Variants in DNA2 observed in about 807,000 individuals in gnomAD.
DNA2 encodes DNA replication helicase/nuclease 2.
In DNA2, 101 loss-of-function variants were observed where a neutral mutation model predicts 119.1. That is an observed-to-expected ratio of 0.85 (90% CI 0.72 to 1.00). The LOEUF is 1.00. Ranked by LOEUF, DNA2 falls within the 50% of genes least tolerant of loss-of-function variation. The pLI is 0.00. For synonymous variants in DNA2, 366 were observed against 424.4 expected (o/e 0.86, Z 1.69); for missense variants, 1,121 against 1,255.5 (o/e 0.89, Z 1.62).
chr10:68,443,144 T>C (rs1479771349), intron 8 of DNA2, 33 bp from the exon 9 acceptor site: 3 of 1,518,620 alleles, frequency 2.0e-6, no homozygotes, highest in Admixed American at 4.4e-5. Context: ...GAGATGCTTA[T>C]AAACCATTTC....
At chr10:68,416,531 G>C in intron 20 of DNA2, 178 bp downstream of exon 20, 1 of 574,422 alleles carries the variant, frequency 1.7e-6, no homozygotes, top group Non-Finnish European at 3.1e-6. Flanking sequence ...TTATAGGCTG[G>C]GGGCCGTGGC....
At chr10:68,437,270 T>G in intron 9 of DNA2, 29 bp from the exon 10 acceptor site, 1 of 1,536,906 alleles carries the variant, frequency 6.5e-7, no homozygotes, top group Non-Finnish European at 8.9e-7. Context: ...GAAAAAAACT[T>G]CTGTTTATAT....
upstream of DNA2, chr10:68,472,239 C>CCT: frequency 1.2e-5 from 14 of 1,179,494 alleles, no homozygotes; most frequent in South Asian, 2.2e-4. Context: ...GGACTACAGG[C>CCT]GCCCAGCTTA....
intron 1 of DNA2, 101 bp from the exon 2 acceptor site, chr10:68,470,264 T>C: frequency 4.6e-6 from 5 of 1,089,586 alleles, no homozygotes; most frequent in Admixed American, 3.4e-5. Context: ...TCTAGGTTTC[T>C]TTCTTCTGAA....
intron 5 of DNA2, among the ~76,000 whole-genome samples, chr10:68,452,686 C>T (rs1298992226): frequency 1.3e-5 from 2 of 151,712 alleles, no homozygotes; most frequent in Admixed American, 6.6e-5. Context: ...ATCCTCCCGC[C>T]TCAGCCTTTC....
chr10:68,451,437 CCT>C (rs1487965520), intron 5 of DNA2, among the ~76,000 whole-genome samples: 1 of 152,070 alleles, frequency 6.6e-6, no homozygotes, highest in Admixed American at 6.6e-5. Flanking sequence ...TTACAAACCT[CCT>C]CTCTTATCTA....
intron 9 of DNA2, among the ~76,000 whole-genome samples, chr10:68,439,325 C>T (rs890480146): frequency 1.3e-5 from 2 of 150,786 alleles, no homozygotes; most frequent in Admixed American, 1.3e-4. Context: ...ACCTCGGAGG[C>T]GGAGGTTGTG....
intron 4 of DNA2, among the ~76,000 whole-genome samples, chr10:68,462,734 G>C (rs1053826103): frequency 6.6e-6 from 1 of 152,208 alleles, no homozygotes; most frequent in Non-Finnish European, 1.5e-5. Flanking sequence ...AATTAAGCCT[G>C]TTTCCTCATC....
chr10:68,449,903 G>A (rs2052094860), intron 6 of DNA2, 125 bp downstream of exon 6: 2 of 655,142 alleles, frequency 3.1e-6, no homozygotes, highest in Middle Eastern at 4.3e-4. Context: ...GAACCCAGGA[G>A]GCGGAGCTTT....
intron 3 of DNA2, 58 bp downstream of exon 3, chr10:68,468,065 A>G: frequency 7.9e-7 from 1 of 1,267,182 alleles, no homozygotes. Context: ...AATAAATGTA[A>G]AAGTGCTCTG....
chr10:68,453,875 C>T (rs1440599764), intron 5 of DNA2, among the ~76,000 whole-genome samples: 2 of 152,128 alleles, frequency 1.3e-5, no homozygotes, highest in Admixed American at 1.3e-4. Context: ...AAACATATCC[C>T]CATCATTAAG....
At position 68,459,109 on chromosome 10, in the gene DNA2, G is replaced by T. The variant is rs564880774; in HGVS notation, c.714C>A (p.Leu238=). 6.3e-7 allele frequency: 1 copy of T among 1,596,140 alleles called. No homozygotes were observed. Among genetic ancestry groups the T allele is most frequent in the Admixed American group, 1.8e-5 (1 of 57,038 alleles). The change falls in exon 5 of 21, where the codon CTC becomes CTA. Residue 238 remains leucine, a synonymous_variant. Transcript: ENST00000358410. ...NTSTDFPQMQ[L]SLPSDNSKDN... The stretch of plus-strand genomic sequence containing the variant: ...AAACAAAATGTGTTTCTTACAGAGA[G>T]AGCTGCATCTGAGGGAAGTCAGTCG...
At chr10:68,440,843 A>G (rs2051958207) in intron 9 of DNA2, among the ~76,000 whole-genome samples, 1 of 152,198 alleles carries the variant, frequency 6.6e-6, no homozygotes, top group African/African-American at 2.4e-5. Context: ...AGAAAAAATG[A>G]AGCTAAAGCA....
intron 9 of DNA2, among the ~76,000 whole-genome samples, chr10:68,442,381 G>A (rs750384549): frequency 1.3e-4 from 20 of 151,704 alleles, no homozygotes; most frequent in Non-Finnish European, 2.5e-4. Flanking sequence ...ACCACGCCCG[G>A]CTAATTTTTT....
intron 4 of DNA2, among the ~76,000 whole-genome samples, chr10:68,460,145 C>T (rs2052237942): frequency 1.3e-5 from 2 of 151,928 alleles, no homozygotes; most frequent in African/African-American, 4.8e-5. Flanking sequence ...CTCACGCTGT[C>T]ACCCAGGCTG....
chr10:68,472,029 G>A (rs759877339), upstream of DNA2: 7 of 1,607,124 alleles, frequency 4.4e-6, no homozygotes, highest in Non-Finnish European at 3.4e-6. Context: ...TCCCGCGCCG[G>A]CGCGTTCCAC....
At chr10:68,437,370 T>C in intron 9 of DNA2, 129 bp from the exon 10 acceptor site, 6 of 793,214 alleles carry the variant, frequency 7.6e-6, no homozygotes, top group Non-Finnish European at 1.2e-5. Flanking sequence ...GTGTGGTGGC[T>C]CACGCCTGTA....
Position 68,471,911 on chromosome 10 carries a change from C to G in DNA2, c.-47G>C. ...CTGTAGACAGAAAAGACAGCGGAAC[C>G]GGGGGTAACACAGAAAGCTTAGAAA... On this transcript the variant is annotated 5_prime_UTR_variant, in exon 1 of 21. Transcript: ENST00000358410. 1 of 1,613,806 alleles carries G rather than the reference C, an allele frequency of 6.2e-7. No homozygotes were observed. The highest frequency in any genetic ancestry group is 8.5e-7 in the Non-Finnish European group (1 of 1,179,742).
At chr10:68,468,556 A>T (rs2052352137) in intron 2 of DNA2, among the ~76,000 whole-genome samples, 4 of 152,180 alleles carry the variant, frequency 2.6e-5, no homozygotes, top group Admixed American at 2.6e-4. Context: ...ATAAATCCCA[A>T]AGGGAAAACA....
Sources: gnomAD v4.1 joint callset for allele counts (sites outside exome capture counted in the v4.1 genomes callset) on GRCh38, gnomAD v4.1.1 for gene constraint, MANE v1.5 for transcripts, NCBI Gene and HGNC (gene_info 2026-07-23, HGNC 2026-07-21) for gene names.